Variants in FMNL2 observed in about 807,000 individuals in gnomAD.
FMNL2 encodes formin like 2.
A neutral mutation model predicts 130.2 loss-of-function variants in FMNL2; 51 were observed. The observed-to-expected ratio is 0.39, with a 90% CI of 0.31 to 0.49. The LOEUF is 0.49. FMNL2 is among the 20% of genes least tolerant of loss of function. The probability of loss-of-function intolerance (pLI) is 0.85; values close to 1 mark genes in which losing one functional copy is unlikely to be tolerated. For synonymous variants in FMNL2, 465 were observed against 467.1 expected, an observed-to-expected ratio of 1.00 and a Z score of 0.06; for missense variants, 977 against 1,316.2, an observed-to-expected ratio of 0.74 and a Z score of 3.99.
chr2:152,609,409 A>C (rs961831207), intron 10 of FMNL2, among the ~76,000 whole-genome samples: 14 of 152,240 alleles, frequency 9.2e-5, no homozygotes, highest in African/African-American at 2.9e-4. Flanking sequence ...TTGGGAATGC[A>C]ATTAGGTTGC....
intron 1 of FMNL2, among the ~76,000 whole-genome samples, chr2:152,482,784 C>T (rs1287445170): frequency 1.3e-5 from 2 of 152,206 alleles, no homozygotes; most frequent in African/African-American, 4.8e-5. Context: ...CTGCTGCTAC[C>T]TACCCTTCTA....
intron 1 of FMNL2, among the ~76,000 whole-genome samples, chr2:152,427,436 A>G (rs1388695014): frequency 6.6e-6 from 1 of 152,108 alleles, no homozygotes; most frequent in Non-Finnish European, 1.5e-5. Flanking sequence ...AGTCGCAGCT[A>G]CTCGAGAGGC....
At chr2:152,458,150 G>C (rs945326168) in intron 1 of FMNL2, among the ~76,000 whole-genome samples, 1 of 152,176 alleles carries the variant, frequency 6.6e-6, no homozygotes, top group South Asian at 2.1e-4. Context: ...ATCAAAGAAG[G>C]GGGGCTTGGC....
At chr2:152,633,343 G>A (rs1360677234) in intron 21 of FMNL2, among the ~76,000 whole-genome samples, 2 of 152,088 alleles carry the variant, frequency 1.3e-5, no homozygotes, top group South Asian at 2.1e-4. Context: ...TGATCCTCTC[G>A]CCTCAGCCTC....
chr2:152,586,258 C>T (rs535035359), intron 9 of FMNL2, among the ~76,000 whole-genome samples: 1 of 152,334 alleles, frequency 6.6e-6, no homozygotes, highest in African/African-American at 2.4e-5. Flanking sequence ...GCCACCAGCA[C>T]TCTTGTGCAC....
At chr2:152,560,045 T>C (rs909105494) in intron 5 of FMNL2, among the ~76,000 whole-genome samples, 1 of 152,214 alleles carries the variant, frequency 6.6e-6, no homozygotes, top group African/African-American at 2.4e-5. Flanking sequence ...TGTATTATTG[T>C]TTTTTCTTCT....
rs16831141 is a variant in FMNL2, at chr2:152,452,428, A to G, written c.118-69515A>G. On this transcript the variant is annotated intron_variant, in intron 1 of 25. Coordinates refer to ENST00000288670, the MANE Select transcript of FMNL2 (RefSeq NM_052905.4). ...TGGAGTCGCCATTGGAAGTCTAGTC[A>G]GGGTTGTCACCTTACTGTTGTAGGC... is the stretch of plus-strand genomic sequence containing the variant. Among the ~76,000 whole-genome samples, 579 of 152,302 alleles carry G rather than the reference A, an allele frequency of 3.8e-3. 3 individuals are homozygous for G. Among genetic ancestry groups the G allele is most frequent in the African/African-American group, 0.013 (548 of 41,574 alleles).
intron 2 of FMNL2, among the ~76,000 whole-genome samples, chr2:152,530,331 A>G (rs1323701902): frequency 1.3e-5 from 2 of 152,170 alleles, no homozygotes. Context: ...CTTTGTTTGT[A>G]GAAGGCTGTT....
intron 1 of FMNL2, among the ~76,000 whole-genome samples, chr2:152,366,984 C>A (rs1410132280): frequency 6.6e-6 from 1 of 151,654 alleles, no homozygotes; most frequent in Non-Finnish European, 1.5e-5. Context: ...GACCCTGTCT[C>A]AATAAATAAA....
chr2:152,553,660 T>G (rs947093420), intron 4 of FMNL2, among the ~76,000 whole-genome samples: 43 of 151,788 alleles, frequency 2.8e-4, no homozygotes, highest in African/African-American at 1.0e-3. Context: ...AAATTAAAAC[T>G]GATAAATTTT....
intron 3 of FMNL2, among the ~76,000 whole-genome samples, chr2:152,548,654 A>G (rs1694776804): frequency 6.6e-6 from 1 of 152,214 alleles, no homozygotes; most frequent in African/African-American, 2.4e-5. Context: ...ACTGTAATAC[A>G]TCATAGCCAC....
At chr2:152,483,141 A>C (rs1690624873) in intron 1 of FMNL2, among the ~76,000 whole-genome samples, 1 of 152,174 alleles carries the variant, frequency 6.6e-6, no homozygotes, top group African/African-American at 2.4e-5. Context: ...TTCCATAAAG[A>C]CTGGACATTG....
At chr2:152,584,751 A>G (rs1696972702) in intron 9 of FMNL2, among the ~76,000 whole-genome samples, 1 of 152,258 alleles carries the variant, frequency 6.6e-6, no homozygotes, top group Non-Finnish European at 1.5e-5. Context: ...TTGGCTGTTG[A>G]AAGATTTTTA....
intron 3 of FMNL2, among the ~76,000 whole-genome samples, chr2:152,544,340 G>C (rs146339599): frequency 6.6e-6 from 1 of 152,078 alleles, no homozygotes; most frequent in African/African-American, 2.4e-5. Context: ...CCCAGGAGGC[G>C]GAGGTTGCAG....
chr2:152,588,260 C>T (rs1697195249), intron 9 of FMNL2, among the ~76,000 whole-genome samples: 1 of 152,200 alleles, frequency 6.6e-6, no homozygotes, highest in East Asian at 1.9e-4. Context: ...CTTTGGCTTC[C>T]AGCCCCTTCC....
intron 1 of FMNL2, among the ~76,000 whole-genome samples, chr2:152,503,721 G>C (rs375082063): frequency 3.3e-5 from 5 of 152,278 alleles, no homozygotes; most frequent in African/African-American, 1.2e-4. Flanking sequence ...AGTTGGGTAA[G>C]GAGGGAACTG....
chr2:152,543,337 C>T (rs141031997), intron 3 of FMNL2, among the ~76,000 whole-genome samples: 69 of 152,084 alleles, frequency 4.5e-4, no homozygotes, highest in African/African-American at 1.6e-3. Context: ...AACAGACTCT[C>T]CCCTTTTACA....
Position 152,629,923 on chromosome 2 carries a change from A to C in FMNL2, c.2550+18A>C. 6.3e-7 allele frequency: 1 copy of C among 1,589,648 alleles called. No individual in the cohort carries two copies. The highest frequency in any genetic ancestry group is 1.1e-5 in the South Asian group (1 of 87,374). On this transcript the variant is annotated intron_variant, in intron 20 of 25. Coordinates refer to ENST00000288670, the MANE Select transcript of FMNL2 (RefSeq NM_052905.4). ...TAGATCTGGTGAGTGGACTAAAAGAAATTTGAGAGCTGTTTGAAGGACAGA... is the reference window on the plus strand; with the variant it reads ...TAGATCTGGTGAGTGGACTAAAAGACATTTGAGAGCTGTTTGAAGGACAGA...
At chr2:152,463,244 C>T (rs1689348606) in intron 1 of FMNL2, among the ~76,000 whole-genome samples, 1 of 152,154 alleles carries the variant, frequency 6.6e-6, no homozygotes, top group Non-Finnish European at 1.5e-5. Flanking sequence ...TTTTTTCTTA[C>T]CTTTTTGAAA....
Sources: allele counts gnomAD v4.1 joint callset (sites outside exome capture counted in the v4.1 genomes callset), GRCh38; gene constraint gnomAD v4.1.1; transcripts MANE v1.5; gene names NCBI Gene and HGNC (gene_info 2026-07-23, HGNC 2026-07-21).